Variants in SYTL5 observed in about 807,000 individuals in gnomAD.
SYTL5 encodes the protein synaptotagmin-like protein 5.
SYTL5 carries 34 observed loss-of-function variants against 55.9 expected under a neutral mutation model. The ratio of observed to expected loss-of-function variants is 0.61; its 90% CI spans 0.46 to 0.81. SYTL5 has a LOEUF of 0.81. Ranked by LOEUF, SYTL5 falls within the 30% of genes least tolerant of loss-of-function variation. The pLI is 0.00. For missense variants in SYTL5, 637 were observed against 546.7 expected (o/e 1.17, Z -1.65); for synonymous variants, 221 against 188.7 (o/e 1.17, Z -1.40).
chrX:38,107,565 G>T (rs910789314), intron 11 of SYTL5, among the ~76,000 whole-genome samples: 2 of 111,654 alleles, frequency 1.8e-5, no homozygotes, highest in Admixed American at 1.9e-4. Context: ...TAGGAACAAC[G>T]AGCCACTTTT....
chrX:38,039,099 C>T lies in SYTL5; in HGVS notation c.119+5091C>T, dbSNP rs751392819. 4.5e-5 allele frequency among the ~76,000 whole-genome samples: 5 copies of T among 111,718 alleles called. No individual in the cohort carries two copies. The South Asian group carries it at 1.5e-3, about 34-fold the overall frequency. On this transcript the variant is annotated intron_variant, in intron 2 of 16. Transcript: ENST00000297875. ...ATAATTACCTCCAGGCATAAATCAT[C>T]AGCTGGGGAATAGGCATCTGTCTAC...
intron 14 of SYTL5, 58 bp from the exon 15 acceptor site, chrX:38,122,022 A>G: frequency 9.4e-7 from 1 of 1,061,397 alleles, no homozygotes; most frequent in East Asian, 3.2e-5. Flanking sequence ...GGAACTCATG[A>G]TTTATCTATT....
chrX:37,989,923 A>G, the SYTL5 span, among the ~76,000 whole-genome samples: 6 of 110,522 alleles, frequency 5.4e-5, no homozygotes, highest in Non-Finnish European at 9.5e-5. Flanking sequence ...CCCAGGCTGG[A>G]GTGTGGTGGC....
In SYTL5 at chrX:38,018,558, A is replaced by AT. The variant is rs772148690; in HGVS notation, c.-357+11899dup. ...CAACATATCTAAATTGCAATTAATT[A>AT]TTTTTTTTTCTCTTTCAACGTTTTT... On this transcript the variant is annotated intron_variant, in intron 1 of 16. Coordinates refer to ENST00000297875, the MANE Select transcript of SYTL5 (RefSeq NM_138780.3). Among the ~76,000 whole-genome samples the AT allele has an allele frequency of 9.1e-5, 10 of 109,580 alleles. No individual in the cohort carries two copies. The East Asian group carries it at 1.4e-3, about 16-fold the overall frequency.
chrX:37,909,854 T>C, the SYTL5 span, among the ~76,000 whole-genome samples: 1 of 110,220 alleles, frequency 9.1e-6, no homozygotes, highest in East Asian at 2.8e-4. Flanking sequence ...TTTGTATTTT[T>C]AGTAGAGACG....
the SYTL5 span, among the ~76,000 whole-genome samples, chrX:37,906,760 A>G: frequency 8.0e-5 from 9 of 112,393 alleles, no homozygotes; most frequent in Admixed American, 8.5e-4. Flanking sequence ...TTCCAGGAAA[A>G]TTTTAGAAGA....
At chrX:37,907,908 A>AT in the SYTL5 span, among the ~76,000 whole-genome samples, 1 of 110,183 alleles carries the variant, frequency 9.1e-6, no homozygotes, top group African/African-American at 3.3e-5. Context: ...TTTATTTTTT[A>AT]TTTTTTTGCT....
At chrX:38,030,369 C>T (rs1183418931) in intron 1 of SYTL5, among the ~76,000 whole-genome samples, 1 of 111,797 alleles carries the variant, frequency 8.9e-6, no homozygotes, top group Non-Finnish European at 1.9e-5. Context: ...ATGAGGAAAA[C>T]AAGTTTTTCC....
intron 16 of SYTL5, among the ~76,000 whole-genome samples, chrX:38,125,935 C>T (rs1456834529): frequency 9.0e-6 from 1 of 111,668 alleles, no homozygotes; most frequent in Non-Finnish European, 1.9e-5. Flanking sequence ...ATTATTCATA[C>T]TGGTTGAATT....
the SYTL5 span, among the ~76,000 whole-genome samples, chrX:37,929,032 C>G: frequency 3.6e-5 from 4 of 112,590 alleles, no homozygotes; most frequent in African/African-American, 1.3e-4. Flanking sequence ...CAGAATTTAT[C>G]ACTGGGATAC....
At chrX:38,093,110 T>G (rs1602388347) in intron 7 of SYTL5, among the ~76,000 whole-genome samples, 1 of 112,116 alleles carries the variant, frequency 8.9e-6, no homozygotes, top group East Asian at 2.8e-4. Flanking sequence ...CCTGATAAAC[T>G]TTTCTTGTTT....
At chrX:38,078,993 C>A (rs1309404146) in intron 6 of SYTL5, among the ~76,000 whole-genome samples, 2 of 112,240 alleles carry the variant, frequency 1.8e-5, no homozygotes, top group African/African-American at 3.2e-5. Flanking sequence ...ATCAATAGAG[C>A]AAAATGTCCT....
the SYTL5 span, among the ~76,000 whole-genome samples, chrX:37,986,399 G>A: frequency 5.4e-5 from 6 of 111,021 alleles, no homozygotes; most frequent in East Asian, 1.4e-3. Flanking sequence ...TGCATGTACC[G>A]GTAATTAGAA....
At chrX:37,943,466 G>T in the SYTL5 span, among the ~76,000 whole-genome samples, 2 of 111,117 alleles carry the variant, frequency 1.8e-5, no homozygotes, top group Non-Finnish European at 3.8e-5. Flanking sequence ...GCAGGTTGAG[G>T]GTCAGTGGGT....
chrX:38,126,707 AGCATGGGAAAATGTAG>A lies in SYTL5; in HGVS notation c.2173_2188del (p.Met725SerfsTer43). 1 of 1,209,768 alleles carries A rather than the reference AGCATGGGAAAATGTAG, an allele frequency of 8.3e-7. No individual in the cohort carries two copies. Among genetic ancestry groups the A allele is most frequent in the Middle Eastern group, 2.3e-4 (1 of 4,305 alleles). On this transcript the variant is annotated frameshift_variant, in exon 17 of 17. Transcript: ENST00000297875. LOFTEE classifies it high-confidence loss of function. Reference sequence around the variant, plus strand: ...TGAGGGTGTACTCATGCTTCGTTCCAGCATGGGAAAATGTAGGCTCTAAAGGGACCAGTTCTCCAAG... The same window carrying A: ...TGAGGGTGTACTCATGCTTCGTTCCAGCTCTAAAGGGACCAGTTCTCCAAG...
At chrX:37,991,751 C>T in the SYTL5 span, among the ~76,000 whole-genome samples, 2 of 111,917 alleles carry the variant, frequency 1.8e-5, no homozygotes, top group Admixed American at 1.9e-4. Flanking sequence ...GTTCATGGGA[C>T]AGGGGCTTTA....
chrX:38,058,718 A>T (rs1450610534), intron 3 of SYTL5, among the ~76,000 whole-genome samples: 1 of 110,997 alleles, frequency 9.0e-6, no homozygotes, highest in East Asian at 2.8e-4. Context: ...AACGTTTTTA[A>T]TATTTTCCCC....
At chrX:38,027,559 A>C (rs1006611314) in intron 1 of SYTL5, among the ~76,000 whole-genome samples, 1 of 112,094 alleles carries the variant, frequency 8.9e-6, no homozygotes, top group Non-Finnish European at 1.9e-5. Context: ...TACTTCTAGA[A>C]ACACAATTTT....
the SYTL5 span, among the ~76,000 whole-genome samples, chrX:37,956,059 C>G: frequency 8.9e-6 from 1 of 111,869 alleles, no homozygotes; most frequent in Admixed American, 9.6e-5. Flanking sequence ...ATGGACTAAT[C>G]TTGCAATTCC....
Sources: gnomAD v4.1 joint callset for allele counts (sites outside exome capture counted in the v4.1 genomes callset) on GRCh38, gnomAD v4.1.1 for gene constraint, MANE v1.5 for transcripts, NCBI Gene and HGNC (gene_info 2026-07-23, HGNC 2026-07-21) for gene names.